Variants in FAM186B observed in about 807,000 individuals in gnomAD.
The protein encoded by FAM186B is protein FAM186B.
In FAM186B, 68 loss-of-function variants were observed where a neutral mutation model predicts 83.4. That is an observed-to-expected ratio of 0.81 (90% CI 0.67 to 1.00). The LOEUF (loss-of-function observed/expected upper bound fraction) is 1.00, where lower values mean the gene tolerates loss of function less well. Among genes scored for constraint, FAM186B ranks in the 50% least tolerant of loss-of-function variants. The pLI, the probability that FAM186B is intolerant of heterozygous loss-of-function variation, is 0.00. For synonymous variants in FAM186B, 389 were observed against 422.0 expected (o/e 0.92, Z 0.96); for missense variants, 983 against 1,099.2 (o/e 0.89, Z 1.49).
chr12:49,600,107 C>T lies in FAM186B; in HGVS notation c.1533G>A (p.Glu511=). The T allele has an allele frequency of 6.2e-7, 1 of 1,612,684 alleles. No homozygotes were observed. The highest frequency in any genetic ancestry group is 1.1e-5 in the South Asian group (1 of 90,876). The part of the protein sequence containing the change: ...QQRQKKWALL[E]QEHQEKLRQW... ...GCCGCAGCTTCTCCTGATGCTCCTG[C>T]TCCAGCAGGGCCCACTTCTTCTGCC... is the stretch of plus-strand genomic sequence containing the variant. Residue 511 remains glutamate, a synonymous_variant, in exon 4 of 7, where the codon GAG becomes GAA. Coordinates refer to ENST00000257894, the MANE Select transcript of FAM186B (RefSeq NM_032130.3). The surrounding 1 kb of genome is among the most constrained non-coding windows in gnomAD (Gnocchi z 4.3).
At chr12:49,586,620 T>G (rs1483159022), downstream of FAM186B, among the ~76,000 whole-genome samples, 2 of 152,200 alleles carry the variant, frequency 1.3e-5, no homozygotes, top group African/African-American at 4.8e-5. Context: ...AGTTGACCAC[T>G]GGGTTACAGT....
At chr12:49,601,903 T>A (rs1432956934) in intron 3 of FAM186B, among the ~76,000 whole-genome samples, 1 of 151,960 alleles carries the variant, frequency 6.6e-6, no homozygotes, top group Non-Finnish European at 1.5e-5. Flanking sequence ...AGATGAGGGG[T>A]AGAGGAAATA....
At chr12:49,622,220 C>T in the FAM186B span, among the ~76,000 whole-genome samples, 2 of 151,058 alleles carry the variant, frequency 1.3e-5, no homozygotes, top group East Asian at 3.9e-4. Context: ...CCGCCCGCCC[C>T]CTCCATTCCC....
chr12:49,587,884 C>G, intron 6 of FAM186B, 132 bp from the exon 7 acceptor site: 1 of 946,832 alleles, frequency 1.1e-6, no homozygotes, highest in Non-Finnish European at 1.6e-6. Flanking sequence ...CACTGCCCTC[C>G]TCATCTCCCC....
At chr12:49,597,374 G>A (rs909045155) in intron 5 of FAM186B, among the ~76,000 whole-genome samples, 7 of 148,510 alleles carry the variant, frequency 4.7e-5, no homozygotes, top group Admixed American at 1.4e-4. Flanking sequence ...GAAAAATATC[G>A]CATGATCTCA....
Position 49,601,075 on chromosome 12 carries a change from G to C in FAM186B, c.565C>G (p.His189Asp), listed in dbSNP as rs1358256159. 1 of 1,605,774 alleles carries C rather than the reference G, an allele frequency of 6.2e-7. No homozygotes were observed. Among genetic ancestry groups the C allele is most frequent in the Non-Finnish European group, 8.5e-7 (1 of 1,174,480 alleles). The change falls in exon 4 of 7, where the codon CAT (histidine) becomes GAT (aspartate). Residue 189 changes from histidine to aspartate, a missense_variant. His to Asp is a moderately conservative substitution (Grantham distance 81). Coordinates refer to ENST00000257894, the MANE Select transcript of FAM186B (RefSeq NM_032130.3). ...TGTTCTGGGCTTAGTGGCTGAGGAT[G>C]GGATGGAGATGTCTGTGGGCTTCTT... ...QGRSPQTSPS[H>D]PQPLSPEQML...
In FAM186B at chr12:49,600,230, C is replaced by T. The variant is rs375738935; in HGVS notation, c.1410G>A (p.Gln470=). 28 of 1,612,678 alleles carry T rather than the reference C, an allele frequency of 1.7e-5. No homozygotes were observed. In the African/African-American group the frequency reaches 2.5e-4, roughly 15 times the overall value. ...GCTCCTCTTGGCTCTCAGAGGTCAC[C>T]TGCCTGGAGCTCTCTAGAGACAGCT... ...SKQLSLESSR[Q]VTSESQEEPW... Residue 470 remains glutamine, a synonymous_variant, in exon 4 of 7, where the codon CAG becomes CAA. Coordinates refer to ENST00000257894, the MANE Select transcript of FAM186B (RefSeq NM_032130.3). The surrounding 1 kb of genome is among the most constrained non-coding windows in gnomAD (Gnocchi z 4.3).
the FAM186B span, among the ~76,000 whole-genome samples, chr12:49,620,388 G>C: frequency 6.6e-6 from 1 of 152,094 alleles, no homozygotes; most frequent in Non-Finnish European, 1.5e-5. Flanking sequence ...AGTGCATGGA[G>C]GCTGGGCGCG....
intron 2 of FAM186B, 33 bp downstream of exon 2, chr12:49,604,280 A>G: frequency 6.4e-7 from 1 of 1,572,334 alleles, no homozygotes; most frequent in Non-Finnish European, 8.7e-7. Context: ...CTCCCCTCCC[A>G]GAGGAGGCAC....
intron 2 of FAM186B, among the ~76,000 whole-genome samples, chr12:49,603,863 A>G (rs1939951681): frequency 6.6e-6 from 1 of 152,142 alleles, no homozygotes; most frequent in Non-Finnish European, 1.5e-5. Context: ...CACACAGCAC[A>G]CAGGTCCTGT....
chr12:49,608,477 C>A, upstream of FAM186B, among the ~76,000 whole-genome samples: 2 of 141,624 alleles, frequency 1.4e-5, no homozygotes, highest in African/African-American at 2.6e-5. Context: ...AGTGACAGAG[C>A]AAGACTCCGT....
intron 5 of FAM186B, chr12:49,595,583 A>G (rs1046284799): frequency 2.7e-5 from 12 of 440,488 alleles, no homozygotes; most frequent in African/African-American, 8.1e-5. Context: ...AAATTCTTAT[A>G]AGCCCAGGGC....
chr12:49,619,676 T>TC, the FAM186B span: 1 of 446,320 alleles, frequency 2.2e-6, no homozygotes, highest in South Asian at 2.4e-5. Flanking sequence ...TCTTTTTTTT[T>TC]TTTTTTTTTT....
downstream of FAM186B, chr12:49,584,638 G>A (rs1475663231): frequency 1.4e-6 from 1 of 702,282 alleles, no homozygotes; most frequent in Non-Finnish European, 2.6e-6. Context: ...TAGAGTTACA[G>A]GTGGGGGAGT....
chr12:49,615,208 A>G, the FAM186B span, among the ~76,000 whole-genome samples: 3 of 152,342 alleles, frequency 2.0e-5, no homozygotes, highest in African/African-American at 4.8e-5. Flanking sequence ...AGAAATCACC[A>G]CTAAATAACT....
At chr12:49,618,729 A>G in the FAM186B span, among the ~76,000 whole-genome samples, 2 of 152,230 alleles carry the variant, frequency 1.3e-5, no homozygotes, top group Non-Finnish European at 2.9e-5. Context: ...CCCAGAAAAT[A>G]AAGTAAAAAA....
chr12:49,583,284 A>T (rs1342368767), downstream of FAM186B: 1 of 335,364 alleles, frequency 3.0e-6, no homozygotes, highest in East Asian at 7.5e-5. Flanking sequence ...TTCTCTGTGC[A>T]TTCTGATTGC....
chr12:49,594,599 G>C (rs536476562), intron 5 of FAM186B, among the ~76,000 whole-genome samples: 11 of 152,362 alleles, frequency 7.2e-5, no homozygotes, highest in African/African-American at 2.6e-4. Flanking sequence ...CACAGGCCGG[G>C]TGTGGTGGCT....
In FAM186B at chr12:49,603,236, G is replaced by A. The variant is rs1451267854; in HGVS notation, c.454C>T (p.Leu152Phe). ...ATGAGAGTGGAGCAAAGGGCAGTGA[G>A]TGACTCGATGCCTCTTTTGGTGGCA... ...LIATKRGIES[L>F]TALCSTLIEG... is the part of the protein sequence containing the mutation. Residue 152 changes from leucine to phenylalanine, a missense_variant, in exon 3 of 7, where the codon CTC (leucine) becomes TTC (phenylalanine). By Grantham distance (22) the Leu-to-Phe change is conservative (BLOSUM62 0). Coordinates refer to ENST00000257894, the MANE Select transcript of FAM186B (RefSeq NM_032130.3). 2.1e-5 allele frequency: 34 copies of A among 1,614,106 alleles called. No homozygotes were observed. The highest frequency in any genetic ancestry group is 2.8e-5 in the Non-Finnish European group (33 of 1,180,056).
Sources: allele counts gnomAD v4.1 joint callset (sites outside exome capture counted in the v4.1 genomes callset), GRCh38; gene constraint gnomAD v4.1.1; non-coding constraint Gnocchi (gnomAD v3.1); transcripts MANE v1.5; gene names NCBI Gene and HGNC (gene_info 2026-07-23, HGNC 2026-07-21).